Variants in PROK1 observed in about 807,000 individuals in gnomAD.
The protein encoded by PROK1 is prokineticin-1.
A neutral mutation model predicts 8.8 loss-of-function variants in PROK1; 10 were observed. That is an observed-to-expected ratio of 1.13 (90% CI 0.70 to 1.92). PROK1 has a LOEUF of 1.92. Among genes scored for constraint, PROK1 ranks in the 30% most tolerant of loss-of-function variants. The pLI, the probability that PROK1 is intolerant of heterozygous loss-of-function variation, is 0.00. For synonymous variants in PROK1, 57 were observed against 56.0 expected, an observed-to-expected ratio of 1.02 and a Z score of -0.08; for missense variants, 140 against 139.7, an observed-to-expected ratio of 1.00 and a Z score of -0.01.
Position 110,456,272 on chromosome 1 carries a change from G to T in PROK1, c.239G>T (p.Cys80Phe). ...FRKRKHHTCP[C>F]LPNLLCSRFP... The stretch of plus-strand genomic sequence containing the variant: ...AAACGCAAGCACCACACCTGTCCTT[G>T]CTTGCCCAACCTGCTGTGCTCCAGG... The change falls in exon 3 of 3, where the codon TGC becomes TTC. Residue 80 changes from cysteine (C) to phenylalanine (F), a missense_variant. Cys to Phe is a radical substitution (Grantham distance 205, BLOSUM62 -2). Transcript: ENST00000271331. The T allele has an allele frequency of 6.2e-7, 1 of 1,613,888 alleles. No individual in the cohort carries two copies. The highest frequency in any genetic ancestry group is 8.5e-7 in the Non-Finnish European group (1 of 1,180,024).
chr1:110,451,288 G>A lies in PROK1; in HGVS notation c.72G>A (p.Gly24=). ...VTVSDCAVIT[G]ACERDVQCGA... ...TGTCTGACTGTGCTGTGATCACAGGGGTAAGTCGCCTAACATTCTCTGTGC... is the reference window on the plus strand; with the variant it reads ...TGTCTGACTGTGCTGTGATCACAGGAGTAAGTCGCCTAACATTCTCTGTGC... The change falls in exon 1 of 3, where the codon GGG becomes GGA. Residue 24 remains glycine (G), a splice_region_variant and synonymous_variant. Coordinates refer to ENST00000271331, the MANE Select transcript of PROK1 (RefSeq NM_032414.3). 6.2e-7 allele frequency: 1 copy of A among 1,613,948 alleles called. No individual in the cohort carries two copies.
At chr1:110,454,656 T>C (rs1664141797) in intron 2 of PROK1, among the ~76,000 whole-genome samples, 1 of 152,208 alleles carries the variant, frequency 6.6e-6, no homozygotes, top group South Asian at 2.1e-4. Context: ...ACTGATCTTA[T>C]AGGCTGTTAA....
At position 110,457,185 on chromosome 1, in the gene PROK1, G is replaced by T; in HGVS notation, c.*834G>T. 1 of 152,754 alleles carries T rather than the reference G, an allele frequency of 6.5e-6. No individual in the cohort carries two copies. 9.5% of individuals were successfully genotyped at this position (152,754 alleles called of 1,614,324 possible). A position where few individuals can be genotyped will look rare whatever the true frequency, so the allele number is the denominator to read the frequency against. On this transcript the variant is annotated 3_prime_UTR_variant, in exon 3 of 3. Transcript: ENST00000271331. ...GTTTCCTTAAACAACTCCTTTCCAA[G>T]GATCAGCCCTGAGAGCAGGTTGGTG...
At chr1:110,451,634 T>A (rs887689003) in intron 1 of PROK1, among the ~76,000 whole-genome samples, 6 of 152,186 alleles carry the variant, frequency 3.9e-5, no homozygotes, top group Admixed American at 2.0e-4. Context: ...CCTTAACTTA[T>A]CTTTTGTGTG....
At chr1:110,453,827 T>C (rs1256391334) in intron 1 of PROK1, 134 bp from the exon 2 acceptor site, 2 of 1,224,538 alleles carry the variant, frequency 1.6e-6, no homozygotes, top group Non-Finnish European at 2.4e-6. Flanking sequence ...GGGTGTTCTG[T>C]TAGGCTAAGG....
chr1:110,453,252 G>A (rs985757488), intron 1 of PROK1, among the ~76,000 whole-genome samples: 5 of 152,176 alleles, frequency 3.3e-5, no homozygotes, highest in African/African-American at 9.7e-5. Flanking sequence ...TGTCTTCCCC[G>A]GCTCTGGCTT....
In PROK1 at chr1:110,456,249, A is replaced by T; in HGVS notation, c.216A>T (p.Lys72Asn). 6.2e-7 allele frequency: 1 copy of T among 1,613,464 alleles called. No homozygotes were observed. Among genetic ancestry groups the T allele is most frequent in the Non-Finnish European group, 8.5e-7 (1 of 1,180,010 alleles). Reference protein sequence around the residue: ...PGSHKVPFFRKRKHHTCPCLP... With the variant: ...PGSHKVPFFRNRKHHTCPCLP... ...CTCCTTAGGTCCCCTTCTTCAGGAA[A>T]CGCAAGCACCACACCTGTCCTTGCT... The change falls in exon 3 of 3, where the codon AAA becomes AAT. Residue 72 changes from lysine (K) to asparagine (N), a missense_variant. Coordinates refer to ENST00000271331, the MANE Select transcript of PROK1 (RefSeq NM_032414.3).
At chr1:110,452,537 C>T (rs1333990005) in intron 1 of PROK1, among the ~76,000 whole-genome samples, 1 of 152,176 alleles carries the variant, frequency 6.6e-6, no homozygotes, top group East Asian at 1.9e-4. Flanking sequence ...GTGCCAGCTC[C>T]AGCACTGGCC....
At chr1:110,455,941 G>A (rs1401122661) in intron 2 of PROK1, among the ~76,000 whole-genome samples, 1 of 149,052 alleles carries the variant, frequency 6.7e-6, no homozygotes, top group African/African-American at 2.5e-5. Flanking sequence ...ATGTGTGTGC[G>A]TGTGTGTGTG....
intron 2 of PROK1, among the ~76,000 whole-genome samples, chr1:110,455,550 T>TA (rs1418991312): frequency 3.3e-5 from 5 of 152,342 alleles, no homozygotes; most frequent in East Asian, 3.9e-4. Context: ...ACAACAGTGA[T>TA]AAAAAAACTA....
At chr1:110,454,313 T>A (rs1354472337) in intron 2 of PROK1, among the ~76,000 whole-genome samples, 4 of 152,246 alleles carry the variant, frequency 2.6e-5, no homozygotes, top group Non-Finnish European at 4.4e-5. Context: ...ATGGGGTTGC[T>A]GTGCCCCTGC....
chr1:110,453,969 G>A lies in PROK1; in HGVS notation c.81G>A (p.Glu27=), dbSNP rs758631433. ...CTCTCTCCCTCCTACAGGCCTGTGA[G>A]CGGGATGTCCAGTGTGGGGCAGGCA... The part of the protein sequence containing the change: ...SDCAVITGAC[E]RDVQCGAGTC... The change falls in exon 2 of 3, where the codon GAG becomes GAA. Residue 27 remains glutamate (E), a synonymous_variant. Transcript: ENST00000271331. 4.3e-6 allele frequency: 7 copies of A among 1,614,134 alleles called. No homozygotes were observed. The highest frequency in any genetic ancestry group is 5.9e-6 in the Non-Finnish European group (7 of 1,180,036).
chr1:110,454,798 A>G (rs1664143749), intron 2 of PROK1, among the ~76,000 whole-genome samples: 2 of 152,244 alleles, frequency 1.3e-5, no homozygotes, highest in Admixed American at 6.5e-5. Context: ...GATCTGATGA[A>G]TTCAGATTTG....
chr1:110,451,372 G>A, intron 1 of PROK1, 84 bp downstream of exon 1: 1 of 1,204,850 alleles, frequency 8.3e-7, no homozygotes, highest in Non-Finnish European at 1.2e-6. Context: ...AACCATGCAG[G>A]AGGCTCTGTT....
intron 1 of PROK1, among the ~76,000 whole-genome samples, chr1:110,452,908 C>G (rs2101148374): frequency 6.6e-6 from 1 of 152,330 alleles, no homozygotes; most frequent in African/African-American, 2.4e-5. Context: ...TTTACCCCAA[C>G]CCCAAGCTTT....
rs1043863115 is a variant in PROK1 at position 110,456,792 on chromosome 1, T to A, written c.*441T>A. The A allele has an allele frequency of 2.1e-5, 6 of 279,646 alleles. No individual in the cohort carries two copies. The highest frequency in any genetic ancestry group is 1.3e-4 in the African/African-American group (6 of 45,856). 17.3% of individuals were successfully genotyped at this position (279,646 alleles called of 1,614,324 possible). A position where few individuals can be genotyped will look rare whatever the true frequency, so the allele number is the denominator to read the frequency against. The stretch of plus-strand genomic sequence containing the variant: ...AGGTCCTGGCCTGACCCTCAGGCCC[T>A]TCACGTGAGGTCTGTGAGGACCAAT... On this transcript the variant is annotated 3_prime_UTR_variant, in exon 3 of 3. Transcript: ENST00000271331.
intron 1 of PROK1, among the ~76,000 whole-genome samples, chr1:110,452,914 GC>G (rs1664109606): frequency 6.6e-6 from 1 of 152,200 alleles, no homozygotes; most frequent in Admixed American, 6.5e-5. Flanking sequence ...CCAACCCCAA[GC>G]TTTTGTGGCC....
At chr1:110,454,961 C>T (rs1295038922) in intron 2 of PROK1, among the ~76,000 whole-genome samples, 2 of 152,176 alleles carry the variant, frequency 1.3e-5, no homozygotes, top group African/African-American at 4.8e-5. Context: ...GGCCTAAGTA[C>T]ATAGCTCCTG....
rs758440143 is a variant in PROK1 at position 110,451,894 on chromosome 1, AGATAAC to A, written c.72+607_72+612del. Among the ~76,000 whole-genome samples the A allele has an allele frequency of 4.3e-3, 659 of 152,350 alleles. 5 individuals are homozygous for A. Among genetic ancestry groups the A allele is most frequent in the Middle Eastern group, 6.8e-3 (2 of 294 alleles). ...TGAGTGTACCCCAAAGCAAGCATCCAGATAACAAGTAGATATCCAGTCTCGAAGCAG... is the reference window on the plus strand; with the variant it reads ...TGAGTGTACCCCAAAGCAAGCATCCAAAGTAGATATCCAGTCTCGAAGCAG... On this transcript the variant is annotated intron_variant, in intron 1 of 2. Coordinates refer to ENST00000271331, the MANE Select transcript of PROK1 (RefSeq NM_032414.3).
Sources: allele counts gnomAD v4.1 joint callset (sites outside exome capture counted in the v4.1 genomes callset), GRCh38; gene constraint gnomAD v4.1.1; transcripts MANE v1.5; gene names NCBI Gene and HGNC (gene_info 2026-07-23, HGNC 2026-07-21).